Variants in WAC observed in about 807,000 individuals in gnomAD.
The protein encoded by WAC is WW domain-containing adapter protein with coiled-coil.
A neutral mutation model predicts 79.6 loss-of-function variants in WAC; 11 were observed. The ratio of observed to expected loss-of-function variants is 0.14; its 90% CI spans 0.09 to 0.23. The LOEUF is 0.23. Ranked by LOEUF, WAC falls within the 10% of genes least tolerant of loss-of-function variation. WAC has a pLI of 1.00. For missense variants in WAC, 728 were observed against 773.5 expected (o/e 0.94, Z 0.70); for synonymous variants, 304 against 276.9 (o/e 1.10, Z -0.97).
At chr10:28,608,053 G>T in intron 7 of WAC, 133 bp from the exon 8 acceptor site, 1 of 905,160 alleles carries the variant, frequency 1.1e-6, no homozygotes, top group South Asian at 1.6e-5. Flanking sequence ...AGCATCTTCT[G>T]TGTGCTCCAG....
rs532431086 is a variant in WAC at position 28,578,155 on chromosome 10, TCAAAA to T, written c.275-5228_275-5224del. ...GCTTGGGTAACTGAGAGATCCTGTC[TCAAAA>T]CAAAACAAAACAAAAAAATTTAAAA... is the stretch of plus-strand genomic sequence containing the variant. On this transcript the variant is annotated intron_variant, in intron 3 of 13. Coordinates refer to ENST00000354911, the MANE Select transcript of WAC (RefSeq NM_016628.5). Among the ~76,000 whole-genome samples, 597 of 152,192 alleles carry T rather than the reference TCAAAA, an allele frequency of 3.9e-3. 5 individuals carry two copies. The highest frequency in any genetic ancestry group is 0.014 in the African/African-American group (577 of 41,538).
intron 3 of WAC, among the ~76,000 whole-genome samples, chr10:28,570,934 C>G (rs1365832573): frequency 1.4e-5 from 2 of 140,660 alleles, no homozygotes; most frequent in African/African-American, 5.3e-5. Context: ...TTGTGTTATC[C>G]TTAAAGATAT....
At chr10:28,556,100 T>C (rs1837966721) in intron 3 of WAC, among the ~76,000 whole-genome samples, 1 of 152,160 alleles carries the variant, frequency 6.6e-6, no homozygotes, top group African/African-American at 2.4e-5. Flanking sequence ...AGATATCCAG[T>C]TGTAGGTTTG....
intron 12 of WAC, among the ~76,000 whole-genome samples, 155 bp from the exon 13 acceptor site, chr10:28,617,502 T>C (rs564834366): frequency 6.6e-6 from 1 of 152,370 alleles, no homozygotes; most frequent in South Asian, 2.1e-4. Context: ...TAAAACAAAT[T>C]AATTTTCCCC....
At chr10:28,541,427 T>G (rs1315284049) in intron 3 of WAC, among the ~76,000 whole-genome samples, 2 of 138,714 alleles carry the variant, frequency 1.4e-5, no homozygotes, top group African/African-American at 5.3e-5. Context: ...TTTGTTTTTT[T>G]TTTTTTTTTT....
intron 4 of WAC, chr10:28,589,062 C>G (rs145318879): frequency 2.1e-4 from 32 of 152,258 alleles, no homozygotes; most frequent in African/African-American, 7.2e-4. Context: ...CATTATGTTA[C>G]GTTGTCTATA....
chr10:28,617,127 A>G (rs1331434743), intron 12 of WAC, among the ~76,000 whole-genome samples: 1 of 152,188 alleles, frequency 6.6e-6, no homozygotes. Flanking sequence ...TGACTCTCTC[A>G]CTAGACTAGC....
rs149765108 is a variant in WAC at position 28,614,624 on chromosome 10, G to A, written c.1495G>A (p.Val499Ile). Residue 499 changes from valine to isoleucine, a missense_variant, in exon 11 of 14, where the codon GTA becomes ATA. Physicochemically the swap from Val to Ile is conservative, Grantham distance 29. Around this residue, in one of 3 missense-constraint regions of WAC, gnomAD observed 648 missense variants for 661.5 expected, o/e 0.98. Coordinates refer to ENST00000354911, the MANE Select transcript of WAC (RefSeq NM_016628.5). The stretch of plus-strand genomic sequence containing the variant: ...GTCACAGTCAGCCACACAGCAGCCT[G>A]TAACTGCTGACAAGCAGCAAGGTCA... ...PVSQSATQQP[V>I]TADKQQGHEP... is the part of the protein sequence containing the mutation. The A allele has an allele frequency of 3.7e-6, 6 of 1,614,096 alleles. No individual in the cohort carries two copies. Among genetic ancestry groups the A allele is most frequent in the Non-Finnish European group, 5.1e-6 (6 of 1,180,026 alleles).
chr10:28,566,277 A>G (rs1838603934), intron 3 of WAC, among the ~76,000 whole-genome samples: 1 of 152,134 alleles, frequency 6.6e-6, no homozygotes, highest in African/African-American at 2.4e-5. Flanking sequence ...GTGTGTGCAT[A>G]TGCTGGGAGT....
chr10:28,567,214 C>T lies in WAC; in HGVS notation c.275-16185C>T, dbSNP rs149287337. Reference sequence around the variant, plus strand: ...TTTTTTTTCTTTTTTGTTGGGGGGACTTTATCTAAAGTTTTTGGTTTCCTG... The same window carrying T: ...TTTTTTTTCTTTTTTGTTGGGGGGATTTTATCTAAAGTTTTTGGTTTCCTG... On this transcript the variant is annotated intron_variant, in intron 3 of 13. Transcript: ENST00000354911. Among the ~76,000 whole-genome samples, 712 of 148,288 alleles carry T rather than the reference C, an allele frequency of 4.8e-3. 3 individuals carry two copies. The highest frequency in any genetic ancestry group is 0.017 in the African/African-American group (670 of 40,328).
chr10:28,590,331 A>C (rs1012678750), intron 5 of WAC, among the ~76,000 whole-genome samples: 2 of 151,972 alleles, frequency 1.3e-5, no homozygotes, highest in Admixed American at 1.3e-4. Context: ...AAAAAAAAAA[A>C]AAAATCTAGG....
intron 8 of WAC, among the ~76,000 whole-genome samples, chr10:28,610,251 T>C (rs1490210459): frequency 6.6e-6 from 1 of 152,134 alleles, no homozygotes; most frequent in Non-Finnish European, 1.5e-5. Context: ...TATCCATTTT[T>C]AGATTTATTA....
rs962026539 is a variant in WAC, at chr10:28,611,423, A to G, written c.1289-351A>G. 9 of 1,310,848 alleles carry G rather than the reference A, an allele frequency of 6.9e-6. No individual in the cohort carries two copies. In the Admixed American group the frequency reaches 1.4e-4, roughly 20 times the overall value. The allele number at this position is 1,310,848 out of a possible 1,614,324, so 81.2% of individuals were successfully genotyped here. A position where few individuals can be genotyped will look rare whatever the true frequency, so the allele number is the denominator to read the frequency against. On this transcript the variant is annotated intron_variant, in intron 9 of 13. Transcript: ENST00000354911. ...CAACCCTCTGGCTAGCCTCATGAGCAGGAGACTGCGTGGGATACCTGGGCC... is the reference window on the plus strand; with the variant it reads ...CAACCCTCTGGCTAGCCTCATGAGCGGGAGACTGCGTGGGATACCTGGGCC...
rs187992480 is a variant in WAC, at chr10:28,549,520, T to C, written c.274+13763T>C. Among the ~76,000 whole-genome samples the C allele has an allele frequency of 1.4e-3, 219 of 152,322 alleles. 2 individuals carry two copies. Among genetic ancestry groups the C allele is most frequent in the Admixed American group, 0.011 (174 of 15,300 alleles). On this transcript the variant is annotated intron_variant, in intron 3 of 13. Coordinates refer to ENST00000354911, the MANE Select transcript of WAC (RefSeq NM_016628.5). Reference sequence around the variant, plus strand: ...TGTCCCTGATTCTTTTTTCCTGTGTTTATGGGCAACTTCCAGAACTCATTG... The same window carrying C: ...TGTCCCTGATTCTTTTTTCCTGTGTCTATGGGCAACTTCCAGAACTCATTG...
Position 28,535,570 on chromosome 10 carries a change from G to C in WAC, c.87G>C (p.Lys29Asn). The change falls in exon 3 of 14, where the codon AAG (lysine) becomes AAC (asparagine). Residue 29 changes from lysine (K) to asparagine (N), a missense_variant. Lys to Asn is a moderately conservative substitution (Grantham distance 94). Around this residue, in one of 3 missense-constraint regions of WAC, gnomAD observed 648 missense variants for 661.5 expected, o/e 0.98. Coordinates refer to ENST00000354911, the MANE Select transcript of WAC (RefSeq NM_016628.5). The part of the protein sequence containing the change: ...RGDSQPYQAL[K>N]YSSKSHPSSG... Reference sequence around the variant, plus strand: ...GGGGTGATGTTTTACAGGCACTTAAGTATTCATCGAAGAGTCACCCCAGTA... The same window carrying C: ...GGGGTGATGTTTTACAGGCACTTAACTATTCATCGAAGAGTCACCCCAGTA... 6.2e-7 allele frequency: 1 copy of C among 1,608,106 alleles called. No homozygotes were observed. Among genetic ancestry groups the C allele is most frequent in the Non-Finnish European group, 8.5e-7 (1 of 1,176,924 alleles).
intron 4 of WAC, chr10:28,588,886 T>C (rs1213506005): frequency 6.6e-6 from 1 of 152,196 alleles, no homozygotes; most frequent in Non-Finnish European, 1.5e-5. Flanking sequence ...TTCTAGCTAT[T>C]TGACAAAATA....
chr10:28,545,989 T>C (rs1231518027), intron 3 of WAC, among the ~76,000 whole-genome samples: 1 of 152,254 alleles, frequency 6.6e-6, no homozygotes, highest in Non-Finnish European at 1.5e-5. Context: ...TAGAGTATAC[T>C]TAGGCTGATC....
intron 3 of WAC, among the ~76,000 whole-genome samples, chr10:28,554,866 C>A (rs941864309): frequency 3.9e-5 from 6 of 152,188 alleles, no homozygotes; most frequent in Non-Finnish European, 8.8e-5. Flanking sequence ...AGAATACTCT[C>A]TTTCCATCAG....
At chr10:28,590,658 T>G (rs573660828) in intron 5 of WAC, 62 bp from the exon 6 acceptor site, 2 of 1,380,278 alleles carry the variant, frequency 1.4e-6, no homozygotes, top group Non-Finnish European at 2.0e-6. Context: ...CAGAGCTGTT[T>G]AGTATGGAAA....
Sources: allele counts gnomAD v4.1 joint callset (sites outside exome capture counted in the v4.1 genomes callset), GRCh38; gene constraint gnomAD v4.1.1; regional missense constraint gnomAD v4.1.1; transcripts MANE v1.5; gene names NCBI Gene and HGNC (gene_info 2026-07-23, HGNC 2026-07-21).